Variants in TCF7L1 observed in about 807,000 individuals in gnomAD.
The protein encoded by TCF7L1 is transcription factor 7-like 1.
TCF7L1 carries 18 observed loss-of-function variants against 63.7 expected under a neutral mutation model. The observed-to-expected ratio is 0.28, with a 90% CI of 0.20 to 0.42. The LOEUF (loss-of-function observed/expected upper bound fraction) is 0.42. TCF7L1 is among the 10% of genes least tolerant of loss of function. The pLI, the probability that TCF7L1 is intolerant of heterozygous loss-of-function variation, is 1.00. For synonymous variants in TCF7L1, 355 were observed against 340.9 expected (o/e 1.04, Z -0.46); for missense variants, 654 against 779.3 (o/e 0.84, Z 1.91).
intron 3 of TCF7L1, among the ~76,000 whole-genome samples, chr2:85,283,268 C>CA (rs991936673): frequency 8.6e-6 from 1 of 115,646 alleles, no homozygotes; most frequent in Non-Finnish European, 2.2e-5. Flanking sequence ...ATTCGTGTCC[C>CA]CCCCCCCAAA....
At chr2:85,255,264 C>T (rs1228750319) in intron 3 of TCF7L1, among the ~76,000 whole-genome samples, 1 of 152,140 alleles carries the variant, frequency 6.6e-6, no homozygotes, top group East Asian at 1.9e-4. Context: ...ATGAGCATCA[C>T]CTGGAGGAGA....
At chr2:85,141,546 G>A (rs1231787509) in intron 3 of TCF7L1, among the ~76,000 whole-genome samples, 5 of 152,066 alleles carry the variant, frequency 3.3e-5, no homozygotes, top group African/African-American at 9.7e-5. Flanking sequence ...TCAAAGACTC[G>A]ACAACCCATT....
intron 3 of TCF7L1, among the ~76,000 whole-genome samples, chr2:85,261,194 A>G (rs1214152203): frequency 6.6e-6 from 1 of 151,474 alleles, no homozygotes; most frequent in Non-Finnish European, 1.5e-5. Flanking sequence ...CCAAAGCTAT[A>G]AAATGTATTT....
chr2:85,169,146 G>A (rs1678490625), intron 3 of TCF7L1, among the ~76,000 whole-genome samples: 1 of 152,086 alleles, frequency 6.6e-6, no homozygotes, highest in Non-Finnish European at 1.5e-5. Context: ...ACTTCCCTGT[G>A]TAACTCTCAA....
At chr2:85,282,868 T>A (rs536749214) in intron 3 of TCF7L1, among the ~76,000 whole-genome samples, 1 of 148,970 alleles carries the variant, frequency 6.7e-6, no homozygotes, top group African/African-American at 2.5e-5. Context: ...TTGGTTTGGG[T>A]TTTTTGCACT....
At chr2:85,194,999 G>A (rs1289122884) in intron 3 of TCF7L1, among the ~76,000 whole-genome samples, 1 of 152,248 alleles carries the variant, frequency 6.6e-6, no homozygotes, top group East Asian at 1.9e-4. Context: ...TCCCACCCCC[G>A]AGGTAACAGG....
At chr2:85,211,057 C>T (rs551911344) in intron 3 of TCF7L1, among the ~76,000 whole-genome samples, 21 of 152,186 alleles carry the variant, frequency 1.4e-4, no homozygotes, top group Non-Finnish European at 2.4e-4. Context: ...AGATTCAGTA[C>T]GCATTGTTGA....
At chr2:85,262,337 A>G in intron 3 of TCF7L1, 1 of 505,364 alleles carries the variant, frequency 2.0e-6, no homozygotes, top group South Asian at 1.6e-5. Context: ...CAAAGAGCAC[A>G]CCCGCACGCT....
At chr2:85,260,135 A>G (rs1680825044) in intron 3 of TCF7L1, among the ~76,000 whole-genome samples, 1 of 152,186 alleles carries the variant, frequency 6.6e-6, no homozygotes, top group Non-Finnish European at 1.5e-5. Flanking sequence ...CCATTGATTA[A>G]GGCAAACACT....
In TCF7L1 at chr2:85,159,259, G is replaced by C. The variant is rs563991748; in HGVS notation, c.441+24809G>C. On this transcript the variant is annotated intron_variant, in intron 3 of 11. Transcript: ENST00000282111. ...TCCTAGGGTTTACAGACCACCCCTC[G>C]AGCCTGTGTTCTCCTCCTGATGGTG... Among the ~76,000 whole-genome samples the C allele has an allele frequency of 2.6e-5, 4 of 152,070 alleles. No individual in the cohort carries two copies. In the East Asian group the frequency reaches 7.8e-4, roughly 29 times the overall value.
intron 3 of TCF7L1, among the ~76,000 whole-genome samples, chr2:85,173,429 G>C (rs1678600220): frequency 6.6e-6 from 1 of 152,182 alleles, no homozygotes; most frequent in South Asian, 2.1e-4. Context: ...ACCATGGGGG[G>C]ATATATAGAA....
chr2:85,179,627 C>G (rs1194464430), intron 3 of TCF7L1, among the ~76,000 whole-genome samples: 1 of 152,162 alleles, frequency 6.6e-6, no homozygotes, highest in Admixed American at 6.5e-5. Flanking sequence ...GCTGCCCCCT[C>G]CCTTGCTCTG....
intron 3 of TCF7L1, among the ~76,000 whole-genome samples, chr2:85,251,960 A>C (rs1680599717): frequency 1.3e-5 from 2 of 152,174 alleles, no homozygotes; most frequent in Admixed American, 6.5e-5. Context: ...CTGTAATCCT[A>C]GCCACTTGGG....
At chr2:85,190,352 C>T (rs114884511) in intron 3 of TCF7L1, among the ~76,000 whole-genome samples, 2,000 of 152,216 alleles carry the variant, frequency 0.013, 59 homozygotes, top group African/African-American at 0.046. Flanking sequence ...GGGAAGTTGC[C>T]GTAGAACAGA....
chr2:85,208,285 A>G (rs1292836222), intron 3 of TCF7L1, among the ~76,000 whole-genome samples: 2 of 152,174 alleles, frequency 1.3e-5, no homozygotes, highest in African/African-American at 4.8e-5. Flanking sequence ...AAGTGGAGGA[A>G]CATCTGTACT....
intron 4 of TCF7L1, among the ~76,000 whole-genome samples, chr2:85,293,191 A>G (rs1681765698): frequency 6.6e-6 from 1 of 151,762 alleles, no homozygotes; most frequent in African/African-American, 2.4e-5. Context: ...GTGGATCTGT[A>G]TCCCCACCCA....
chr2:85,272,813 TATCA>T (rs1169975394), intron 3 of TCF7L1, among the ~76,000 whole-genome samples: 7 of 152,118 alleles, frequency 4.6e-5, no homozygotes, highest in South Asian at 2.1e-4. Flanking sequence ...TTAACCAGTA[TATCA>T]ATCAATCAAT....
At chr2:85,212,321 A>T (rs1418850261) in intron 3 of TCF7L1, among the ~76,000 whole-genome samples, 4 of 151,960 alleles carry the variant, frequency 2.6e-5, no homozygotes, top group Non-Finnish European at 5.9e-5. Context: ...AGGTTACCTG[A>T]CCTCTTCTGT....
intron 3 of TCF7L1, among the ~76,000 whole-genome samples, chr2:85,236,422 C>T (rs780159916): frequency 1.3e-5 from 2 of 152,166 alleles, no homozygotes; most frequent in African/African-American, 2.4e-5. Context: ...AGAGAGGCCT[C>T]TGGTGTGGGT....
Sources: allele counts gnomAD v4.1 joint callset (sites outside exome capture counted in the v4.1 genomes callset), GRCh38; gene constraint gnomAD v4.1.1; transcripts MANE v1.5; gene names NCBI Gene and HGNC (gene_info 2026-07-23, HGNC 2026-07-21).